Variants in PPP1R3E observed in about 807,000 individuals in gnomAD.
The protein encoded by PPP1R3E is protein phosphatase 1 regulatory subunit 3E, also known as protein phosphatase 1, regulatory (inhibitor) subunit 3E.
PPP1R3E carries 20 observed loss-of-function variants against 18.5 expected under a neutral mutation model. That is an observed-to-expected ratio of 1.08 (90% CI 0.76 to 1.58). The LOEUF (loss-of-function observed/expected upper bound fraction) is 1.58, where lower values mean the gene tolerates loss of function less well. Among genes scored for constraint, PPP1R3E ranks in the 40% most tolerant of loss-of-function variants. The probability of loss-of-function intolerance (pLI) is 0.00; values close to 1 mark genes in which losing one functional copy is unlikely to be tolerated. For synonymous variants in PPP1R3E, 208 were observed against 208.1 expected, an observed-to-expected ratio of 1.00 and a Z score of 0.00; for missense variants, 498 against 460.2, an observed-to-expected ratio of 1.08 and a Z score of -0.75.
chr14:23,302,045 G>A, intron 1 of PPP1R3E, 115 bp downstream of exon 1: 1 of 1,284,832 alleles, frequency 7.8e-7, no homozygotes, highest in Non-Finnish European at 1.0e-6. Flanking sequence ...GGGATGGGCA[G>A]GCGCAAGCCC....
rs2138403965 is a variant in PPP1R3E at position 23,296,120 on chromosome 14, C to A, written c.*3184G>T. 6.6e-6 allele frequency: 1 copy of A among 152,286 alleles called. No individual in the cohort carries two copies. Among genetic ancestry groups the A allele is most frequent in the Admixed American group, 6.5e-5 (1 of 15,292 alleles). 9.4% of individuals were successfully genotyped at this position (152,286 alleles called of 1,614,324 possible). ...TGGGGAGATCCACAAAGGAAATTTT[C>A]ATTTCCTCCCCAGGTTAGCTATTCA... On this transcript the variant is annotated 3_prime_UTR_variant, in exon 5 of 5. Coordinates refer to ENST00000452015, the MANE Select transcript of PPP1R3E (RefSeq NM_001276318.2).
At position 23,301,354 on chromosome 14, in the gene PPP1R3E, T is replaced by G; in HGVS notation, c.*82A>C. On this transcript the variant is annotated 3_prime_UTR_variant, in exon 2 of 5. Transcript: ENST00000452015. ...GACCGCTCCCGCCAATCCTGGTCTC[T>G]CCTACTCCTCCCCGCCACATCGGGT... 1.7e-6 allele frequency: 2 copies of G among 1,162,856 alleles called. No homozygotes were observed. The highest frequency in any genetic ancestry group is 2.1e-6 in the Non-Finnish European group (2 of 934,914). The allele number at this position is 1,162,856 out of a possible 1,614,324, so 72.0% of individuals were successfully genotyped here. A position where few individuals can be genotyped will look rare whatever the true frequency, so the allele number is the denominator to read the frequency against.
chr14:23,302,342 T>G lies in PPP1R3E; in HGVS notation c.235A>C (p.Ser79Arg). ...AGGGGARAPR[S>R]RSPDTRKRVR... Reference sequence around the variant, plus strand: ...CTCTTGCGGGTGTCTGGGCTACGGCTGCGGGGCGCCCGGGCCCCGCCGCCT... The same window carrying G: ...CTCTTGCGGGTGTCTGGGCTACGGCGGCGGGGCGCCCGGGCCCCGCCGCCT... Residue 79 changes from serine (S) to arginine (R), a missense_variant, in exon 1 of 5, where the codon AGC becomes CGC. Transcript: ENST00000452015. 6.7e-7 allele frequency: 1 copy of G among 1,502,386 alleles called. No individual in the cohort carries two copies. The highest frequency in any genetic ancestry group is 1.2e-5 in the South Asian group (1 of 80,444). 93.1% of individuals were successfully genotyped at this position (1,502,386 alleles called of 1,614,324 possible). A position where few individuals can be genotyped will look rare whatever the true frequency, so the allele number is the denominator to read the frequency against.
Position 23,302,258 on chromosome 14 carries a change from C to T in PPP1R3E, c.319G>A (p.Gly107Ser). ...TGGCGGGGCACCCGGGGCAGCTCAC[C>T]GGGACGGAAGCGGCGCACGACAGCC... Reference protein sequence around the residue: ...ELAVVRRFRPGELPRVPRHVQ... With the variant: ...ELAVVRRFRPSELPRVPRHVQ... The change falls in exon 1 of 5, where the codon GGT (glycine) becomes AGT (serine). Residue 107 changes from glycine (G) to serine (S), a missense_variant. Gly to Ser is a moderately conservative substitution (Grantham distance 56). Transcript: ENST00000452015. 6.6e-7 allele frequency: 1 copy of T among 1,520,166 alleles called. No homozygotes were observed. The highest frequency in any genetic ancestry group is 8.8e-7 in the Non-Finnish European group (1 of 1,141,548). The allele number at this position is 1,520,166 out of a possible 1,614,324, so 94.2% of individuals were successfully genotyped here. A position where few individuals can be genotyped will look rare whatever the true frequency, so the allele number is the denominator to read the frequency against.
Position 23,302,190 on chromosome 14 carries a change from C to G in PPP1R3E, c.387G>C (p.Ala129=). Residue 129 remains alanine, a synonymous_variant, in exon 1 of 5, where the codon GCG becomes GCC. Coordinates refer to ENST00000452015, the MANE Select transcript of PPP1R3E (RefSeq NM_001276318.2). Reference sequence around the variant, plus strand: ...GGCCGCGGGCGCGGGGCTGGCAGGGCGCGAAGTGGCGGAGGGCGTCCCTCT... The same window carrying G: ...GGCCGCGGGCGCGGGGCTGGCAGGGGGCGAAGTGGCGGAGGGCGTCCCTCT... The part of the protein sequence containing the change: ...QLQRDALRHF[A]PCQPRARGLQ... 1 of 1,438,910 alleles carries G rather than the reference C, an allele frequency of 6.9e-7. No individual in the cohort carries two copies. The highest frequency in any genetic ancestry group is 1.4e-5 in the South Asian group (1 of 70,482). The allele number at this position is 1,438,910 out of a possible 1,614,324, so 89.1% of individuals were successfully genotyped here.
Position 23,301,738 on chromosome 14 carries a change from C to G in PPP1R3E, c.538G>C (p.Val180Leu). ...CGCTTCTCGTAGGCCAGGTCCACCA[C>G]GCGCGCGCTCCCGGCCACGCCCAGC... ...GPLGVAGSAR[V>L]VDLAYEKRVS... Residue 180 changes from valine to leucine, a missense_variant, in exon 2 of 5, where the codon GTG becomes CTG. Val to Leu is a conservative substitution (Grantham distance 32, BLOSUM62 1). Transcript: ENST00000452015. 1 of 1,413,194 alleles carries G rather than the reference C, an allele frequency of 7.1e-7. No individual in the cohort carries two copies. Among genetic ancestry groups the G allele is most frequent in the Non-Finnish European group, 9.2e-7 (1 of 1,086,360 alleles). 87.5% of individuals were successfully genotyped at this position (1,413,194 alleles called of 1,614,324 possible).
Position 23,297,569 on chromosome 14 carries a change from C to T in PPP1R3E, c.*1735G>A, listed in dbSNP as rs1221855497. On this transcript the variant is annotated 3_prime_UTR_variant, in exon 5 of 5. Coordinates refer to ENST00000452015, the MANE Select transcript of PPP1R3E (RefSeq NM_001276318.2). ...GGCAAGGAATCTCTCCAGAGAGCCG[C>T]GAAAGCACCAGGCACTCAGAAGCCA... 1 of 152,334 alleles carries T rather than the reference C, an allele frequency of 6.6e-6. No homozygotes were observed. The highest frequency in any genetic ancestry group is 2.4e-5 in the African/African-American group (1 of 41,570). 9.4% of individuals were successfully genotyped at this position (152,334 alleles called of 1,614,324 possible). A position where few individuals can be genotyped will look rare whatever the true frequency, so the allele number is the denominator to read the frequency against.
rs533167139 is a variant in PPP1R3E, at chr14:23,302,588, C to T, written c.-12G>A. 2.8e-6 allele frequency: 4 copies of T among 1,417,688 alleles called. No individual in the cohort carries two copies. The highest frequency in any genetic ancestry group is 3.0e-5 in the African/African-American group (2 of 66,190). The allele number at this position is 1,417,688 out of a possible 1,614,324, so 87.8% of individuals were successfully genotyped here. On this transcript the variant is annotated 5_prime_UTR_variant, in exon 1 of 5. Transcript: ENST00000452015. ...CGCTCACGGGACATGGCAGCCCCTT[C>T]CCCGGCGGGGCCAGCTCGCAGCGCC...
Position 23,301,451 on chromosome 14 carries a change from C to G in PPP1R3E, c.825G>C (p.Trp275Cys), listed in dbSNP as rs1286679040. ...GCGCCTCGTCTCAGATAAAGTGGAT[C>G]CAGCCCTGCGGCTCCGGAGCTCCGC... ...GSGGAPEPQG[W>C]IHFI The change falls in exon 2 of 5, where the codon TGG becomes TGC. Residue 275 changes from tryptophan (W) to cysteine (C), a missense_variant. By Grantham distance (215) the Trp-to-Cys change is radical (BLOSUM62 -2). Transcript: ENST00000452015. 5 of 1,456,652 alleles carry G rather than the reference C, an allele frequency of 3.4e-6. No individual in the cohort carries two copies. Among genetic ancestry groups the G allele is most frequent in the Non-Finnish European group, 4.5e-6 (5 of 1,108,292 alleles). The allele number at this position is 1,456,652 out of a possible 1,614,324, so 90.2% of individuals were successfully genotyped here. A position where few individuals can be genotyped will look rare whatever the true frequency, so the allele number is the denominator to read the frequency against.
rs1256736853 is a variant in PPP1R3E, at chr14:23,295,775, G to A, written c.*3529C>T. 1 of 158,514 alleles carries A rather than the reference G, an allele frequency of 6.3e-6. No individual in the cohort carries two copies. Among genetic ancestry groups the A allele is most frequent in the East Asian group, 1.8e-4 (1 of 5,632 alleles). The allele number at this position is 158,514 out of a possible 1,614,324, so 9.8% of individuals were successfully genotyped here. A position where few individuals can be genotyped will look rare whatever the true frequency, so the allele number is the denominator to read the frequency against. ...GTGGTTCAACTTTATAATAATTTAA[G>A]CAAACTTATTAAATTTTTCTGGACA... is the stretch of plus-strand genomic sequence containing the variant. On this transcript the variant is annotated 3_prime_UTR_variant, in exon 5 of 5. Coordinates refer to ENST00000452015, the MANE Select transcript of PPP1R3E (RefSeq NM_001276318.2).
rs3079707 is a variant in PPP1R3E, at chr14:23,299,927, G to GTTTTTTTTTTTTTTTTTTT, written c.*246-405_*246-387dup. ...GTTGCTTTGGTGTTTTTTTGTTTTT[G>GTTTTTTTTTTTTTTTTTTT]TTTTTTTTTTTTTTTTTTTTTTACA... On this transcript the variant is annotated intron_variant, in intron 3 of 4. Coordinates refer to ENST00000452015, the MANE Select transcript of PPP1R3E (RefSeq NM_001276318.2). Among the ~76,000 whole-genome samples, 144 of 100,658 alleles carry GTTTTTTTTTTTTTTTTTTT rather than the reference G, an allele frequency of 1.4e-3. 4 individuals are homozygous for GTTTTTTTTTTTTTTTTTTT. The highest frequency in any genetic ancestry group is 2.0e-3 in the Non-Finnish European group (102 of 50,282). 66.0% of individuals were successfully genotyped at this position (100,658 alleles called of 152,430 possible).
chr14:23,301,075 T>A (rs2138410500), intron 2 of PPP1R3E: 1 of 222,770 alleles, frequency 4.5e-6, no homozygotes, highest in East Asian at 8.7e-5. Context: ...CCTCCCTTTC[T>A]CCCAGAGCCC....
Position 23,301,787 on chromosome 14 carries a change from G to A in PPP1R3E, c.489C>T (p.Cys163=). 1 of 1,468,754 alleles carries A rather than the reference G, an allele frequency of 6.8e-7. No homozygotes were observed. Among genetic ancestry groups the A allele is most frequent in the Admixed American group, 2.5e-5 (1 of 40,242 alleles). 91.0% of individuals were successfully genotyped at this position (1,468,754 alleles called of 1,614,324 possible). A position where few individuals can be genotyped will look rare whatever the true frequency, so the allele number is the denominator to read the frequency against. Residue 163 remains cysteine (C), a synonymous_variant, in exon 2 of 5, where the codon TGC becomes TGT. Transcript: ENST00000452015. The part of the protein sequence containing the change: ...FAARLLTQRI[C]LERAEAGPLG... ...GCGGGCCCGCCTCGGCGCGTTCCAG[G>A]CAGATGCGCTGCGTCAGCAAGCGGG...
rs1386615707 is a variant in PPP1R3E, at chr14:23,297,518, AGAG to A, written c.*1783_*1785del. On this transcript the variant is annotated 3_prime_UTR_variant, in exon 5 of 5. Coordinates refer to ENST00000452015, the MANE Select transcript of PPP1R3E (RefSeq NM_001276318.2). ...AAAATCTCAGTGCTGAAGTCCTGGG[AGAG>A]GAGTACACACCAAAGCCATCAGGGC... The A allele has an allele frequency of 2.0e-5, 3 of 152,404 alleles. No homozygotes were observed. The highest frequency in any genetic ancestry group is 4.1e-4 in the South Asian group (2 of 4,828). 9.4% of individuals were successfully genotyped at this position (152,404 alleles called of 1,614,324 possible). A position where few individuals can be genotyped will look rare whatever the true frequency, so the allele number is the denominator to read the frequency against.
intron 1 of PPP1R3E, 122 bp from the exon 2 acceptor site, chr14:23,301,980 G>T: frequency 7.9e-7 from 1 of 1,265,224 alleles, no homozygotes; most frequent in Non-Finnish European, 1.0e-6. Flanking sequence ...GGCCGGCAGA[G>T]TGCGGCCCAG....
rs1886885300 is a variant in PPP1R3E at position 23,296,524 on chromosome 14, AG to A, written c.*2779del. Reference sequence around the variant, plus strand: ...GCCACCATGCCCAGCTAATTTTAAAAGTTTTTGTAGAGACAGGGTCCCACTA... The same window carrying A: ...GCCACCATGCCCAGCTAATTTTAAAATTTTTGTAGAGACAGGGTCCCACTA... On this transcript the variant is annotated 3_prime_UTR_variant, in exon 5 of 5. Transcript: ENST00000452015. 6.6e-6 allele frequency: 1 copy of A among 151,910 alleles called. No homozygotes were observed. Among genetic ancestry groups the A allele is most frequent in the South Asian group, 2.1e-4 (1 of 4,814 alleles). The allele number at this position is 151,910 out of a possible 1,614,324, so 9.4% of individuals were successfully genotyped here.
rs1886943252 is a variant in PPP1R3E, at chr14:23,298,701, T to A, written c.*603A>T. 6.5e-6 allele frequency: 1 copy of A among 154,382 alleles called. No individual in the cohort carries two copies. The highest frequency in any genetic ancestry group is 1.5e-5 in the Non-Finnish European group (1 of 68,208). The allele number at this position is 154,382 out of a possible 1,614,324, so 9.6% of individuals were successfully genotyped here. On this transcript the variant is annotated 3_prime_UTR_variant, in exon 5 of 5. Coordinates refer to ENST00000452015, the MANE Select transcript of PPP1R3E (RefSeq NM_001276318.2). The stretch of plus-strand genomic sequence containing the variant: ...ACCCAGTCTCCCTATTATCCTCCCA[T>A]GGGCTCCTAATTGATGACTAAACAG...
In PPP1R3E at chr14:23,302,397, C is replaced by G. The variant is rs756815801; in HGVS notation, c.180G>C (p.Arg60=). 6.7e-6 allele frequency: 10 copies of G among 1,488,480 alleles called. No individual in the cohort carries two copies. Among genetic ancestry groups the G allele is most frequent in the African/African-American group, 2.9e-5 (2 of 68,252 alleles). 92.2% of individuals were successfully genotyped at this position (1,488,480 alleles called of 1,614,324 possible). A position where few individuals can be genotyped will look rare whatever the true frequency, so the allele number is the denominator to read the frequency against. The change falls in exon 1 of 5, where the codon CGG becomes CGC. Residue 60 remains arginine, a synonymous_variant. Coordinates refer to ENST00000452015, the MANE Select transcript of PPP1R3E (RefSeq NM_001276318.2). Reference sequence around the variant, plus strand: ...CTGGTGCAGATCGGGCCCGGCGGCCCCGACTCGGTGCGTGAGCGCGGGATC... The same window carrying G: ...CTGGTGCAGATCGGGCCCGGCGGCCGCGACTCGGTGCGTGAGCGCGGGATC... The part of the protein sequence containing the change: ...GARSRAHAPS[R]GRRARSAPAG...
chr14:23,300,206 T>G (rs989589143), intron 3 of PPP1R3E: 2 of 152,058 alleles, frequency 1.3e-5, no homozygotes, highest in Admixed American at 1.3e-4. Flanking sequence ...TGGAATACGC[T>G]GGGGGTGGCG....
Sources: allele counts gnomAD v4.1 joint callset (sites outside exome capture counted in the v4.1 genomes callset), GRCh38; gene constraint gnomAD v4.1.1; transcripts MANE v1.5; gene names NCBI Gene and HGNC (gene_info 2026-07-23, HGNC 2026-07-21).